The following PLCL1 variants were observed in gnomAD, a reference collection of about 807,000 sequenced individuals.
PLCL1 encodes inactive phospholipase C-like protein 1.
Under a neutral mutation model 84.4 loss-of-function variants are expected in PLCL1, and 41 were observed. The ratio of observed to expected loss-of-function variants is 0.49; its 90% confidence interval spans 0.38 to 0.63. The LOEUF is 0.63. Among genes scored for constraint, PLCL1 ranks in the 30% least tolerant of loss-of-function variants. The pLI is 0.00. For synonymous variants in PLCL1, 490 were observed against 488.3 expected (o/e 1.00, Z -0.05); for missense variants, 1,206 against 1,367.8 (o/e 0.88, Z 1.87).
At chr2:198,115,759 C>T (rs558307800) in intron 5 of PLCL1, among the ~76,000 whole-genome samples, 4 of 151,522 alleles carry the variant, frequency 2.6e-5, no homozygotes, top group Non-Finnish European at 5.9e-5. Context: ...CATCAGGTCT[C>T]GTGAGACTTA....
chr2:198,129,828 C>G (rs1694077404), intron 5 of PLCL1, among the ~76,000 whole-genome samples: 1 of 151,768 alleles, frequency 6.6e-6, no homozygotes, highest in Non-Finnish European at 1.5e-5. Flanking sequence ...CTCCCACTCA[C>G]TTCTTAGCCA....
intron 1 of PLCL1, among the ~76,000 whole-genome samples, chr2:197,935,172 T>C (rs1032887867): frequency 4.6e-5 from 7 of 152,190 alleles, no homozygotes; most frequent in African/African-American, 1.7e-4. Flanking sequence ...AGAACACTTA[T>C]ACACTGCTGG....
At chr2:198,144,549 T>C (rs1694470349) in intron 5 of PLCL1, among the ~76,000 whole-genome samples, 1 of 152,216 alleles carries the variant, frequency 6.6e-6, no homozygotes, top group South Asian at 2.1e-4. Flanking sequence ...GTGATTCCTA[T>C]ACTTATGATC....
At chr2:198,042,080 G>C (rs1169458) in intron 1 of PLCL1, among the ~76,000 whole-genome samples, 151,612 of 152,318 alleles carry the variant, frequency 1, 75,457 homozygotes, top group Middle Eastern at 1. Context: ...TCGTGTTCTG[G>C]CTTCAAGCTG....
chr2:198,137,359 A>G (rs992364717), intron 5 of PLCL1, among the ~76,000 whole-genome samples: 2 of 152,220 alleles, frequency 1.3e-5, no homozygotes, highest in Non-Finnish European at 2.9e-5. Context: ...ACGGTTATTT[A>G]GCAGATCTCA....
intron 5 of PLCL1, among the ~76,000 whole-genome samples, chr2:198,136,666 G>T (rs905861227): frequency 6.6e-6 from 1 of 152,090 alleles, no homozygotes; most frequent in Non-Finnish European, 1.5e-5. Context: ...GGTGCTGCAA[G>T]GAGAAATCAG....
chr2:197,973,487 A>G (rs1425335877), intron 1 of PLCL1, among the ~76,000 whole-genome samples: 1 of 152,214 alleles, frequency 6.6e-6, no homozygotes, highest in African/African-American at 2.4e-5. Flanking sequence ...GGGGAGAAGT[A>G]TAAAAATAAT....
intron 1 of PLCL1, among the ~76,000 whole-genome samples, chr2:197,847,779 TC>T (rs1308263186): frequency 1.3e-5 from 2 of 152,202 alleles, no homozygotes; most frequent in African/African-American, 2.4e-5. Flanking sequence ...CTTTTCCCGC[TC>T]TCAAGCTGTC....
intron 1 of PLCL1, among the ~76,000 whole-genome samples, chr2:197,813,274 G>C (rs1302588777): frequency 6.6e-6 from 1 of 152,118 alleles, no homozygotes; most frequent in Non-Finnish European, 1.5e-5. Flanking sequence ...TCCTTTGAAA[G>C]CTTCCTCCCC....
chr2:197,811,151 T>C (rs1690579382), intron 1 of PLCL1, among the ~76,000 whole-genome samples: 1 of 152,256 alleles, frequency 6.6e-6, no homozygotes, highest in African/African-American at 2.4e-5. Context: ...CTAGTTCCTG[T>C]AATAGGAAAC....
intron 5 of PLCL1, among the ~76,000 whole-genome samples, chr2:198,135,783 G>A (rs1412855668): frequency 6.6e-6 from 1 of 152,146 alleles, no homozygotes. Flanking sequence ...ATAATGTTTG[G>A]CATTAATTTC....
In PLCL1 at chr2:198,133,526, T is replaced by TA. The variant is rs60995329; in HGVS notation, c.3106-13242dup. 5.8e-3 allele frequency among the ~76,000 whole-genome samples: 322 copies of TA among 55,934 alleles called. 1 individual carries two copies. Among genetic ancestry groups the TA allele is most frequent in the African/African-American group, 0.011 (198 of 17,794 alleles). 36.7% of individuals were successfully genotyped at this position (55,934 alleles called of 152,430 possible). Reference sequence around the variant, plus strand: ...ATGTACCCTAAAACTTAAAGTATAATAAAAAAAAAAAACTTCCAAGTAAAA... The same window carrying TA: ...ATGTACCCTAAAACTTAAAGTATAATAAAAAAAAAAAAACTTCCAAGTAAAA... On this transcript the variant is annotated intron_variant, in intron 5 of 5. Transcript: ENST00000428675.
chr2:198,007,123 A>G (rs1172946691), intron 1 of PLCL1, among the ~76,000 whole-genome samples: 1 of 152,194 alleles, frequency 6.6e-6, no homozygotes, highest in African/African-American at 2.4e-5. Context: ...AATGTTCCTC[A>G]ATATTGATGA....
At chr2:197,848,545 A>G (rs1022295914) in intron 1 of PLCL1, among the ~76,000 whole-genome samples, 12 of 152,192 alleles carry the variant, frequency 7.9e-5, no homozygotes, top group African/African-American at 2.7e-4. Context: ...GTGGGGACTC[A>G]TTTGTTATGA....
At position 198,084,984 on chromosome 2, in the gene PLCL1, T is replaced by C; in HGVS notation, c.1467T>C (p.Leu489=). ...AFVASEYPLI[L]CLGNHCSLPQ... ...TTGCTTCTGAATACCCACTCATTCT[T>C]TGCTTGGGAAATCACTGCTCCTTGC... Residue 489 remains leucine (L), a synonymous_variant, in exon 2 of 6, where the codon CTT becomes CTC. Transcript: ENST00000428675. 1 of 1,614,078 alleles carries C rather than the reference T, an allele frequency of 6.2e-7. No individual in the cohort carries two copies. Among genetic ancestry groups the C allele is most frequent in the South Asian group, 1.1e-5 (1 of 91,076 alleles).
chr2:197,809,847 T>C (rs1690547571), intron 1 of PLCL1, among the ~76,000 whole-genome samples: 1 of 151,034 alleles, frequency 6.6e-6, no homozygotes, highest in Non-Finnish European at 1.5e-5. Context: ...TGTGTTTAAA[T>C]AGGGACGGTT....
Position 198,085,655 on chromosome 2 carries a change from G to A in PLCL1, c.2138G>A (p.Gly713Asp), listed in dbSNP as rs1295206465. The part of the protein sequence containing the change: ...EVSYFSANTK[G>D]ILPGVSPLAL... The stretch of plus-strand genomic sequence containing the variant: ...TCTTACTTCAGCGCAAATACAAAGG[G>A]CATTCTACCTGGGGTGTCTCCTCTA... The change falls in exon 2 of 6, where the codon GGC (glycine) becomes GAC (aspartate). Residue 713 changes from glycine (G) to aspartate (D), a missense_variant. Transcript: ENST00000428675. This position sits in a 1 kb window ranked among gnomAD's most constrained non-coding sequence, Gnocchi z 5.3. 3.7e-6 allele frequency: 6 copies of A among 1,613,946 alleles called. No homozygotes were observed. The highest frequency in any genetic ancestry group is 2.2e-5 in the East Asian group (1 of 44,880).
chr2:197,993,976 C>G (rs1264700383), intron 1 of PLCL1, among the ~76,000 whole-genome samples: 2 of 152,176 alleles, frequency 1.3e-5, no homozygotes, highest in Non-Finnish European at 2.9e-5. Flanking sequence ...AAACCACAGG[C>G]TTTTCTCTGC....
At chr2:197,946,707 G>T (rs1448303670) in intron 1 of PLCL1, among the ~76,000 whole-genome samples, 1 of 152,096 alleles carries the variant, frequency 6.6e-6, no homozygotes, top group African/African-American at 2.4e-5. Flanking sequence ...GCTCCTGCAG[G>T]CTCCTTTCCT....
Sources: allele counts gnomAD v4.1 joint callset (sites outside exome capture counted in the v4.1 genomes callset), GRCh38; gene constraint gnomAD v4.1.1; non-coding constraint Gnocchi (gnomAD v3.1); transcripts MANE v1.5; gene names NCBI Gene and HGNC (gene_info 2026-07-23, HGNC 2026-07-21).